CTNNA2: variants seen among roughly 807,000 people sequenced by gnomAD.
The protein encoded by CTNNA2 is catenin alpha 2, also known as catenin alpha-2.
CTNNA2 carries 42 observed loss-of-function variants against 101.0 expected under a neutral mutation model. The observed-to-expected ratio is 0.42, with a 90% CI of 0.32 to 0.54. The LOEUF (loss-of-function observed/expected upper bound fraction) is 0.54, where lower values mean the gene tolerates loss of function less well. CTNNA2 is among the 20% of genes least tolerant of loss of function. The probability of loss-of-function intolerance (pLI) is 0.14; values close to 1 mark genes in which losing one functional copy is unlikely to be tolerated. For synonymous variants in CTNNA2, 450 were observed against 456.4 expected (o/e 0.99, Z 0.18); for missense variants, 871 against 1,223.1 (o/e 0.71, Z 4.29).
At chr2:79,268,699 C>T (rs926817441) in intron 2 of CTNNA2, among the ~76,000 whole-genome samples, 1 of 152,014 alleles carries the variant, frequency 6.6e-6, no homozygotes, top group African/African-American at 2.4e-5. Flanking sequence ...GTTGGGAGGA[C>T]ACCTGGCTGG....
At chr2:80,333,655 A>C (rs1240149009) in intron 7 of CTNNA2, among the ~76,000 whole-genome samples, 4 of 149,714 alleles carry the variant, frequency 2.7e-5, no homozygotes, top group Non-Finnish European at 4.4e-5. Flanking sequence ...GGTGGGGGGG[A>C]TGGAGTCTTG....
chr2:79,343,295 A>T lies in CTNNA2; in HGVS notation c.-318+30499A>T, dbSNP rs188811742. Among the ~76,000 whole-genome samples the T allele has an allele frequency of 4.1e-3, 628 of 151,662 alleles. 1 individual carries two copies. The highest frequency in any genetic ancestry group is 0.014 in the African/African-American group (594 of 41,184). ...ACAAAATTATTAGAAACAAATGTTT[A>T]AAAAAAATAGGATATTTATCCCACA... On this transcript the variant is annotated intron_variant, in intron 3 of 21. Transcript: ENST00000466387.
At chr2:80,399,002 G>T (rs188027029) in intron 8 of CTNNA2, among the ~76,000 whole-genome samples, 1 of 151,562 alleles carries the variant, frequency 6.6e-6, no homozygotes, top group African/African-American at 2.4e-5. Flanking sequence ...TTCACCTCCC[G>T]GGCTAAAGTG....
At chr2:79,988,234 T>C (rs1449692357) in intron 7 of CTNNA2, among the ~76,000 whole-genome samples, 1 of 152,168 alleles carries the variant, frequency 6.6e-6, no homozygotes, top group East Asian at 1.9e-4. Flanking sequence ...ATTTTTAAGA[T>C]AGGATTACTC....
intron 7 of CTNNA2, among the ~76,000 whole-genome samples, chr2:80,327,735 T>C (rs1376782378): frequency 5.9e-5 from 9 of 152,178 alleles, no homozygotes; most frequent in Non-Finnish European, 1.2e-4. Flanking sequence ...GCACTGACAA[T>C]AGAAGTATAA....
At chr2:80,294,095 G>A (rs905317217) in intron 7 of CTNNA2, among the ~76,000 whole-genome samples, 1 of 152,096 alleles carries the variant, frequency 6.6e-6, no homozygotes, top group African/African-American at 2.4e-5. Flanking sequence ...ATCAGAGAAG[G>A]AAAGGAAGGT....
chr2:79,307,310 C>A (rs1329973747), intron 2 of CTNNA2, among the ~76,000 whole-genome samples: 1 of 150,746 alleles, frequency 6.6e-6, no homozygotes, highest in African/African-American at 2.5e-5. Flanking sequence ...AGTCTTCCTA[C>A]AGTGCTATAG....
At chr2:79,994,150 T>C (rs1307286954) in intron 7 of CTNNA2, among the ~76,000 whole-genome samples, 1 of 152,120 alleles carries the variant, frequency 6.6e-6, no homozygotes, top group African/African-American at 2.4e-5. Context: ...ACTCCTGGGC[T>C]CAAATGATCC....
At chr2:79,277,806 T>G (rs1675252317) in intron 2 of CTNNA2, among the ~76,000 whole-genome samples, 1 of 152,030 alleles carries the variant, frequency 6.6e-6, no homozygotes, top group African/African-American at 2.4e-5. Flanking sequence ...TACAGACATT[T>G]AGTTTGGGGC....
At chr2:79,740,711 C>G (rs1485492803) in intron 2 of CTNNA2, among the ~76,000 whole-genome samples, 1 of 152,138 alleles carries the variant, frequency 6.6e-6, no homozygotes. Flanking sequence ...TTAGCAGCCT[C>G]TCATTGTTAG....
rs1688657314 is a variant in CTNNA2 at position 79,948,547 on chromosome 2, T to A, written c.1056+38750T>A. 2.6e-5 allele frequency among the ~76,000 whole-genome samples: 4 copies of A among 152,222 alleles called. No individual in the cohort carries two copies. In the South Asian group the frequency reaches 8.3e-4, roughly 32 times the overall value. On this transcript the variant is annotated intron_variant, in intron 7 of 18. Transcript: ENST00000402739. ...CATAGCGTTATGATTTTTGTTTTGT[T>A]AAAAGAGAAGATATTGATGTGAGAG...
intron 8 of CTNNA2, among the ~76,000 whole-genome samples, chr2:80,405,970 T>C (rs1298143242): frequency 6.6e-6 from 1 of 152,222 alleles, no homozygotes; most frequent in Non-Finnish European, 1.5e-5. Context: ...GGATTTTTAT[T>C]TGATTCCTTC....
At chr2:80,120,383 G>C (rs932739088) in intron 7 of CTNNA2, among the ~76,000 whole-genome samples, 5 of 152,144 alleles carry the variant, frequency 3.3e-5, no homozygotes, top group African/African-American at 1.2e-4. Context: ...ACTCCTTCGG[G>C]ATACCCTGTG....
intron 9 of CTNNA2, among the ~76,000 whole-genome samples, chr2:80,464,713 C>T (rs1028924311): frequency 6.6e-6 from 1 of 152,082 alleles, no homozygotes; most frequent in Non-Finnish European, 1.5e-5. Flanking sequence ...TGGGACGAGA[C>T]CTTGTTTATG....
At chr2:79,308,918 C>A (rs763742240) in intron 2 of CTNNA2, among the ~76,000 whole-genome samples, 1 of 151,184 alleles carries the variant, frequency 6.6e-6, no homozygotes, top group Non-Finnish European at 1.5e-5. Flanking sequence ...TTTTTATTTA[C>A]TCTTTCAGAT....
chr2:80,530,849 A>T (rs1402580525), intron 9 of CTNNA2, among the ~76,000 whole-genome samples: 1 of 152,212 alleles, frequency 6.6e-6, no homozygotes, highest in Non-Finnish European at 1.5e-5. Context: ...AAGCATGGAA[A>T]AAGGGAGCTG....
At chr2:79,279,682 G>A (rs967557922) in intron 2 of CTNNA2, among the ~76,000 whole-genome samples, 3 of 152,072 alleles carry the variant, frequency 2.0e-5, no homozygotes, top group Non-Finnish European at 4.4e-5. Context: ...TTTTGATTTT[G>A]TGGTATATAA....
intron 9 of CTNNA2, among the ~76,000 whole-genome samples, chr2:80,437,162 G>A (rs1179568607): frequency 6.6e-6 from 1 of 152,194 alleles, no homozygotes; most frequent in Non-Finnish European, 1.5e-5. Flanking sequence ...GGACTTTGCA[G>A]CCTGTGGAAC....
intron 9 of CTNNA2, among the ~76,000 whole-genome samples, chr2:80,422,619 C>G (rs902482784): frequency 2.6e-5 from 4 of 151,880 alleles, no homozygotes; most frequent in African/African-American, 7.3e-5. Context: ...GTTCTAGTAC[C>G]CATTTGCCAA....
Sources: allele counts gnomAD v4.1 joint callset (sites outside exome capture counted in the v4.1 genomes callset), GRCh38; gene constraint gnomAD v4.1.1; transcripts MANE v1.5; gene names NCBI Gene and HGNC (gene_info 2026-07-23, HGNC 2026-07-21).